PTPRO: variants seen among roughly 807,000 people sequenced by gnomAD.
PTPRO encodes receptor-type tyrosine-protein phosphatase O.
A neutral mutation model predicts 145.2 loss-of-function variants in PTPRO; 62 were observed. The observed-to-expected ratio is 0.43, with a 90% CI of 0.35 to 0.53. PTPRO has a LOEUF of 0.53. Among genes scored for constraint, PTPRO ranks in the 20% least tolerant of loss-of-function variants. The probability of loss-of-function intolerance (pLI) is 0.01; values close to 1 mark genes in which losing one functional copy is unlikely to be tolerated. For synonymous variants in PTPRO, 565 were observed against 514.7 expected, an observed-to-expected ratio of 1.10 and a Z score of -1.32; for missense variants, 1,345 against 1,482.7, an observed-to-expected ratio of 0.91 and a Z score of 1.53.
At chr12:15,357,678 A>G (rs1266309728) in intron 1 of PTPRO, among the ~76,000 whole-genome samples, 2 of 151,440 alleles carry the variant, frequency 1.3e-5, no homozygotes, top group East Asian at 3.9e-4. Context: ...AATCAAAACC[A>G]CAGTGAGATA....
chr12:15,574,783 T>C (rs921389697), intron 19 of PTPRO, among the ~76,000 whole-genome samples: 14 of 152,234 alleles, frequency 9.2e-5, no homozygotes, highest in African/African-American at 3.4e-4. Flanking sequence ...TTTGTAATCA[T>C]GCGATTCAGA....
chr12:15,589,450 T>C lies in PTPRO; in HGVS notation c.3411-5T>C, dbSNP rs774175967. On this transcript the variant is annotated splice_polypyrimidine_tract_variant and splice_region_variant and intron_variant, in intron 24 of 26. Transcript: ENST00000281171. ...ATAATATGCCATCGGAACATTCTTT[T>C]GCAGTGCTGGCGTGGGACGGACAGG... is the stretch of plus-strand genomic sequence containing the variant. 6 of 1,614,004 alleles carry C rather than the reference T, an allele frequency of 3.7e-6. No homozygotes were observed. The South Asian group carries it at 5.5e-5, about 15-fold the overall frequency.
In PTPRO at chr12:15,546,713, T is replaced by C; in HGVS notation, c.2304+5T>C. Reference sequence around the variant, plus strand: ...AGTCAGAAAACCAAACTTCAGGTACTGTACCTTTTGATCTACCTTTTCTCA... The same window carrying C: ...AGTCAGAAAACCAAACTTCAGGTACCGTACCTTTTGATCTACCTTTTCTCA... On this transcript the variant is annotated splice_donor_5th_base_variant and intron_variant, in intron 13 of 26. Coordinates refer to ENST00000281171, the MANE Select transcript of PTPRO (RefSeq NM_030667.3). The C allele has an allele frequency of 1.2e-6, 2 of 1,613,958 alleles. No homozygotes were observed. Among genetic ancestry groups the C allele is most frequent in the Non-Finnish European group, 8.5e-7 (1 of 1,179,894 alleles).
At chr12:15,409,783 CT>C (rs1939745475) in intron 1 of PTPRO, among the ~76,000 whole-genome samples, 2 of 152,228 alleles carry the variant, frequency 1.3e-5, no homozygotes, top group African/African-American at 4.8e-5. Context: ...CTCACAAGAA[CT>C]CACTCACTAT....
intron 1 of PTPRO, among the ~76,000 whole-genome samples, chr12:15,342,127 C>A (rs1417889268): frequency 6.6e-6 from 1 of 152,086 alleles, no homozygotes; most frequent in Non-Finnish European, 1.5e-5. Flanking sequence ...GTAGTACTTT[C>A]TTTTTCTTTT....
At chr12:15,427,664 C>T (rs937686795) in intron 1 of PTPRO, among the ~76,000 whole-genome samples, 1 of 151,556 alleles carries the variant, frequency 6.6e-6, no homozygotes, top group Admixed American at 6.6e-5. Flanking sequence ...TTTTTAATAT[C>T]TTAACCTTAC....
At chr12:15,558,697 G>A (rs568584999) in intron 16 of PTPRO, among the ~76,000 whole-genome samples, 36 of 152,160 alleles carry the variant, frequency 2.4e-4, no homozygotes, top group African/African-American at 8.7e-4. Context: ...CCCTAAAATG[G>A]TTAATCTTAA....
intron 1 of PTPRO, among the ~76,000 whole-genome samples, chr12:15,338,521 C>A (rs1263423413): frequency 6.6e-6 from 1 of 152,080 alleles, no homozygotes; most frequent in Non-Finnish European, 1.5e-5. Context: ...TATATTCTTA[C>A]CAGGTTTATC....
rs143152427 is a variant in PTPRO at position 15,555,914 on chromosome 12, G to A, written c.2559-1541G>A. ...GTATATTCAATGTCAATATGTAATAGTCTAACAATTTCATCATGGTGATGC... is the reference window on the plus strand; with the variant it reads ...GTATATTCAATGTCAATATGTAATAATCTAACAATTTCATCATGGTGATGC... On this transcript the variant is annotated intron_variant, in intron 15 of 26. Transcript: ENST00000281171. Among the ~76,000 whole-genome samples the A allele has an allele frequency of 1.5e-3, 232 of 152,214 alleles. 1 individual carries two copies. Among genetic ancestry groups the A allele is most frequent in the African/African-American group, 4.0e-3 (167 of 41,530 alleles).
chr12:15,474,553 C>T (rs929402954), intron 1 of PTPRO, among the ~76,000 whole-genome samples: 2 of 152,098 alleles, frequency 1.3e-5, no homozygotes, highest in Admixed American at 1.3e-4. Context: ...TTCTCTCAAG[C>T]GTAAAATGAG....
In PTPRO at chr12:15,533,079, G is replaced by A. The variant is rs546055591; in HGVS notation, c.2164+6817G>A. On this transcript the variant is annotated intron_variant, in intron 12 of 26. Transcript: ENST00000281171. ...GAATATGAGTCAAAGTCATGAACTA[G>A]TACAACTGTATCTACATAGGACTGT... Among the ~76,000 whole-genome samples the A allele has an allele frequency of 3.3e-3, 495 of 152,252 alleles. 2 individuals carry two copies. Among genetic ancestry groups the A allele is most frequent in the African/African-American group, 0.011 (468 of 41,550 alleles).
At chr12:15,496,142 G>GTTTTTTTTTTTTTTTTTTTT (rs71042255) in intron 2 of PTPRO, among the ~76,000 whole-genome samples, 5 of 75,368 alleles carry the variant, frequency 6.6e-5, no homozygotes, top group African/African-American at 1.0e-4. Context: ...TTCTTTTTTT[G>GTTTTTTTTTTTTTTTTTTTT]TTTTTTTTTT....
chr12:15,532,677 C>T (rs528842747), intron 12 of PTPRO, among the ~76,000 whole-genome samples: 3 of 152,294 alleles, frequency 2.0e-5, no homozygotes, highest in Admixed American at 6.5e-5. Context: ...TTAAATTCTA[C>T]GAATGTGGAG....
chr12:15,479,247 G>A (rs1023529939), intron 1 of PTPRO, among the ~76,000 whole-genome samples: 2 of 152,166 alleles, frequency 1.3e-5, no homozygotes, highest in Non-Finnish European at 2.9e-5. Context: ...GAATCAATTT[G>A]ACTATAGAAC....
At chr12:15,488,567 G>A (rs1412361441) in intron 2 of PTPRO, among the ~76,000 whole-genome samples, 1 of 152,190 alleles carries the variant, frequency 6.6e-6, no homozygotes, top group East Asian at 1.9e-4. Context: ...TCACAGAGTT[G>A]ACATATTTCT....
chr12:15,490,866 G>A (rs368844308), intron 2 of PTPRO, among the ~76,000 whole-genome samples: 130 of 152,290 alleles, frequency 8.5e-4, no homozygotes, highest in African/African-American at 3.1e-3. Context: ...TCTGACTAAA[G>A]TGAGAATATC....
intron 15 of PTPRO, among the ~76,000 whole-genome samples, chr12:15,556,634 G>A (rs1943634439): frequency 6.6e-6 from 1 of 152,050 alleles, no homozygotes; most frequent in African/African-American, 2.4e-5. Flanking sequence ...CTCCAGTGAT[G>A]AATAATACGG....
intron 1 of PTPRO, among the ~76,000 whole-genome samples, chr12:15,482,374 A>C (rs1392330345): frequency 6.6e-6 from 1 of 152,070 alleles, no homozygotes; most frequent in Non-Finnish European, 1.5e-5. Flanking sequence ...AGAGCCAAGG[A>C]AGGGAGAGAG....
At chr12:15,436,580 C>T (rs562283000) in intron 1 of PTPRO, among the ~76,000 whole-genome samples, 2 of 152,280 alleles carry the variant, frequency 1.3e-5, no homozygotes, top group East Asian at 3.9e-4. Flanking sequence ...TTCTCCTAAT[C>T]CCTGGAGTTA....
Sources: allele counts gnomAD v4.1 joint callset (sites outside exome capture counted in the v4.1 genomes callset), GRCh38; gene constraint gnomAD v4.1.1; transcripts MANE v1.5; gene names NCBI Gene and HGNC (gene_info 2026-07-23, HGNC 2026-07-21).